KIAA1328: variants seen among roughly 807,000 people sequenced by gnomAD.
The protein encoded by KIAA1328 is KIAA1328, also known as protein hinderin.
In KIAA1328, 52 loss-of-function variants were observed where a neutral mutation model predicts 68.1. The observed-to-expected ratio is 0.76, with a 90% CI of 0.61 to 0.96. The LOEUF (loss-of-function observed/expected upper bound fraction) is 0.96, where lower values mean the gene tolerates loss of function less well. Among genes scored for constraint, KIAA1328 ranks in the 40% least tolerant of loss-of-function variants. The pLI is 0.00. For missense variants in KIAA1328, 641 were observed against 677.6 expected (o/e 0.95, Z 0.60); for synonymous variants, 232 against 239.4 (o/e 0.97, Z 0.28).
chr18:36,853,846 C>T (rs1047117366), intron 4 of KIAA1328, among the ~76,000 whole-genome samples: 2 of 152,008 alleles, frequency 1.3e-5, no homozygotes, highest in African/African-American at 4.8e-5. Context: ...TTAATAGAGA[C>T]GAGGTTTCAC....
chr18:36,989,322 A>G (rs1173847566), intron 6 of KIAA1328, among the ~76,000 whole-genome samples: 2 of 152,218 alleles, frequency 1.3e-5, no homozygotes, highest in African/African-American at 4.8e-5. Context: ...TAAAAGCACA[A>G]GAGAAAAGAC....
At chr18:37,165,166 A>G (rs1385857224) in intron 8 of KIAA1328, among the ~76,000 whole-genome samples, 1 of 152,030 alleles carries the variant, frequency 6.6e-6, no homozygotes, top group African/African-American at 2.4e-5. Flanking sequence ...GTCTCCAAAT[A>G]TCGTCATATT....
intron 9 of KIAA1328, among the ~76,000 whole-genome samples, chr18:37,176,190 T>C (rs949317785): frequency 6.6e-6 from 1 of 152,210 alleles, no homozygotes; most frequent in African/African-American, 2.4e-5. Context: ...CAAATATGAA[T>C]AATGTATTGT....
At position 37,126,844 on chromosome 18, in the gene KIAA1328, C is replaced by T. The variant is rs571475241; in HGVS notation, c.1233-33356C>T. 6.0e-4 allele frequency among the ~76,000 whole-genome samples: 91 copies of T among 152,114 alleles called. 3 individuals are homozygous for T. In the South Asian group the frequency reaches 0.018, roughly 31 times the overall value. On this transcript the variant is annotated intron_variant, in intron 7 of 9. Transcript: ENST00000280020. ...TATCATCAGGCTAGAAGAGAAAAAC[C>T]ACCTGATTTGTTTCAACAAATGCAA...
rs191469482 is a variant in KIAA1328 at position 37,058,992 on chromosome 18, G to C, written c.577-7898G>C. Among the ~76,000 whole-genome samples, 154 of 151,264 alleles carry C rather than the reference G, an allele frequency of 1.0e-3. 2 individuals carry two copies. The highest frequency in any genetic ancestry group is 3.7e-3 in the African/African-American group (152 of 41,214). On this transcript the variant is annotated intron_variant, in intron 6 of 9. Transcript: ENST00000280020. ...ATATTTGTTTTGTAAACATTTCTCTGTTTATTATATTTCACGTTAAAGAAG... is the reference window on the plus strand; with the variant it reads ...ATATTTGTTTTGTAAACATTTCTCTCTTTATTATATTTCACGTTAAAGAAG...
intron 5 of KIAA1328, among the ~76,000 whole-genome samples, chr18:36,933,402 G>C (rs945633749): frequency 2.0e-5 from 3 of 152,092 alleles, no homozygotes; most frequent in Non-Finnish European, 2.9e-5. Flanking sequence ...AGTTTCCTTT[G>C]TTAGGTGTTC....
chr18:36,848,910 T>G (rs1318956206), intron 4 of KIAA1328, among the ~76,000 whole-genome samples: 3 of 151,810 alleles, frequency 2.0e-5, no homozygotes, highest in Non-Finnish European at 4.4e-5. Flanking sequence ...TTAAGCCTCA[T>G]TTGGTCATGT....
At chr18:36,998,824 A>G (rs1020683724) in intron 6 of KIAA1328, among the ~76,000 whole-genome samples, 2 of 152,244 alleles carry the variant, frequency 1.3e-5, no homozygotes, top group Admixed American at 1.3e-4. Context: ...AGAAGCGACT[A>G]CTGTGCCACA....
chr18:37,160,602 T>A (rs9954053), intron 8 of KIAA1328, among the ~76,000 whole-genome samples: 3,521 of 152,302 alleles, frequency 0.023, 135 homozygotes, highest in African/African-American at 0.08. Flanking sequence ...AACTTGTCCC[T>A]CTTTTTGCAA....
intron 8 of KIAA1328, among the ~76,000 whole-genome samples, chr18:37,162,230 G>GTT (rs113865579): frequency 2.7e-5 from 4 of 150,338 alleles, no homozygotes; most frequent in East Asian, 1.9e-4. Context: ...CTTCCATTAG[G>GTT]TTTTTTTTCC....
At chr18:36,911,055 A>G (rs2049427026) in intron 5 of KIAA1328, among the ~76,000 whole-genome samples, 1 of 152,054 alleles carries the variant, frequency 6.6e-6, no homozygotes, top group Non-Finnish European at 1.5e-5. Context: ...CTGACGACCC[A>G]CAGATTACAT....
At chr18:37,019,022 T>A (rs769182450) in intron 6 of KIAA1328, among the ~76,000 whole-genome samples, 1 of 152,230 alleles carries the variant, frequency 6.6e-6, no homozygotes, top group Non-Finnish European at 1.5e-5. Flanking sequence ...CCAGAATTCA[T>A]GCTCTGATTC....
chr18:36,905,853 A>G (rs923548840), intron 5 of KIAA1328, among the ~76,000 whole-genome samples: 3 of 152,138 alleles, frequency 2.0e-5, no homozygotes, highest in East Asian at 3.9e-4. Flanking sequence ...TTCAATGCCA[A>G]TTAATTTAGA....
chr18:37,227,706 A>G (rs2060647174), downstream of KIAA1328, among the ~76,000 whole-genome samples: 1 of 152,218 alleles, frequency 6.6e-6, no homozygotes, highest in Admixed American at 6.5e-5. Context: ...TTGGTCACCC[A>G]AGACCTTTGA....
intron 7 of KIAA1328, among the ~76,000 whole-genome samples, chr18:37,139,243 A>C (rs571199500): frequency 6.6e-6 from 1 of 152,084 alleles, no homozygotes; most frequent in Admixed American, 6.6e-5. Flanking sequence ...GATTACAGGC[A>C]TGAGCCACCG....
intron 1 of KIAA1328, among the ~76,000 whole-genome samples, chr18:36,830,996 A>C (rs968218097): frequency 1.3e-5 from 2 of 152,220 alleles, no homozygotes; most frequent in African/African-American, 4.8e-5. Flanking sequence ...TCAAATGTAA[A>C]TTTGTTACTG....
chr18:36,981,820 C>T (rs2052700038), intron 6 of KIAA1328, among the ~76,000 whole-genome samples: 1 of 149,446 alleles, frequency 6.7e-6, no homozygotes, highest in Non-Finnish European at 1.5e-5. Context: ...TGGTCCTGAA[C>T]TCCTGGTCTC....
chr18:37,208,393 G>A (rs1471025276), intron 9 of KIAA1328, among the ~76,000 whole-genome samples: 1 of 152,176 alleles, frequency 6.6e-6, no homozygotes, highest in Non-Finnish European at 1.5e-5. Flanking sequence ...CTTTTGAATT[G>A]AGAGAAGGTC....
At chr18:37,005,570 T>C (rs564676220) in intron 6 of KIAA1328, among the ~76,000 whole-genome samples, 4 of 152,012 alleles carry the variant, frequency 2.6e-5, no homozygotes, top group Non-Finnish European at 5.9e-5. Flanking sequence ...AAAAATAGAA[T>C]TACTAATTGA....
Sources: allele counts gnomAD v4.1 joint callset (sites outside exome capture counted in the v4.1 genomes callset), GRCh38; gene constraint gnomAD v4.1.1; transcripts MANE v1.5; gene names NCBI Gene and HGNC (gene_info 2026-07-23, HGNC 2026-07-21).